Variants in C12orf42 observed in about 807,000 individuals in gnomAD.
C12orf42 encodes the protein chromosome 12 open reading frame 42.
In C12orf42, 25 loss-of-function variants were observed where a neutral mutation model predicts 21.6. The ratio of observed to expected loss-of-function variants is 1.16; its 90% CI spans 0.84 to 1.62. C12orf42 has a LOEUF of 1.62. C12orf42 is among the 40% of genes most tolerant of loss of function. The probability of loss-of-function intolerance (pLI) is 0.00; values close to 1 mark genes in which losing one functional copy is unlikely to be tolerated. For synonymous variants in C12orf42, 174 were observed against 175.0 expected (o/e 0.99, Z 0.05); for missense variants, 483 against 459.3 (o/e 1.05, Z -0.47).
chr12:103,361,186 G>A (rs1209912262), intron 4 of C12orf42, among the ~76,000 whole-genome samples: 1 of 152,138 alleles, frequency 6.6e-6, no homozygotes, highest in Non-Finnish European at 1.5e-5. Flanking sequence ...CCAGGAGACA[G>A]CCCAAATACT....
At chr12:103,161,628 A>T in the C12orf42 span, 1 of 152,230 alleles carries the variant, frequency 6.6e-6, no homozygotes, top group African/African-American at 2.4e-5. Context: ...ATAATAAATG[A>T]TGGTACTGTA....
the C12orf42 span, among the ~76,000 whole-genome samples, chr12:103,083,465 A>T: frequency 6.6e-6 from 1 of 152,304 alleles, no homozygotes; most frequent in Non-Finnish European, 1.5e-5. Flanking sequence ...CAAACTAGAA[A>T]TTCATTCCCC....
At chr12:103,390,486 C>T (rs1283940402) in intron 3 of C12orf42, among the ~76,000 whole-genome samples, 1 of 152,166 alleles carries the variant, frequency 6.6e-6, no homozygotes, top group Non-Finnish European at 1.5e-5. Context: ...CCCTGGTAAC[C>T]TCTATTCTAC....
chr12:103,545,806 A>C, the C12orf42 span, among the ~76,000 whole-genome samples: 3 of 152,128 alleles, frequency 2.0e-5, no homozygotes, highest in African/African-American at 7.2e-5. Flanking sequence ...TATATTCCAC[A>C]TTCAGACCAC....
the C12orf42 span, among the ~76,000 whole-genome samples, chr12:103,181,685 G>A: frequency 1.3e-5 from 2 of 152,166 alleles, no homozygotes; most frequent in Non-Finnish European, 2.9e-5. Context: ...CTTCATTCAC[G>A]CAACAAATTC....
At chr12:103,297,585 T>C (rs1425424390), downstream of C12orf42, among the ~76,000 whole-genome samples, 3 of 151,898 alleles carry the variant, frequency 2.0e-5, no homozygotes, top group Non-Finnish European at 4.4e-5. Context: ...AAAGAGGGAA[T>C]CCTCCCTAAT....
chr12:103,331,107 A>C (rs1406828438), intron 4 of C12orf42, among the ~76,000 whole-genome samples: 1 of 152,212 alleles, frequency 6.6e-6, no homozygotes, highest in Non-Finnish European at 1.5e-5. Flanking sequence ...ATAAGTTGAA[A>C]ATATCCTGTC....
At chr12:103,390,734 G>C (rs776509251) in intron 3 of C12orf42, among the ~76,000 whole-genome samples, 1 of 152,144 alleles carries the variant, frequency 6.6e-6, no homozygotes, top group Non-Finnish European at 1.5e-5. Context: ...AAGTCCAAAG[G>C]CTTGAGAAAC....
At chr12:103,359,305 A>C (rs2043871741) in intron 4 of C12orf42, among the ~76,000 whole-genome samples, 1 of 152,048 alleles carries the variant, frequency 6.6e-6, no homozygotes, top group African/African-American at 2.4e-5. Flanking sequence ...TCCCAGCTAT[A>C]TGTGTTTCAT....
chr12:103,527,215 C>T, the C12orf42 span, among the ~76,000 whole-genome samples: 2 of 152,210 alleles, frequency 1.3e-5, no homozygotes, highest in South Asian at 4.1e-4. Flanking sequence ...TTTTCTGCCA[C>T]TGGACATGAA....
At chr12:103,140,494 C>G in the C12orf42 span, among the ~76,000 whole-genome samples, 1 of 152,130 alleles carries the variant, frequency 6.6e-6, no homozygotes, top group Non-Finnish European at 1.5e-5. Flanking sequence ...TCCAGTGCTG[C>G]TATTTTCCTG....
the C12orf42 span, among the ~76,000 whole-genome samples, chr12:103,227,836 T>C: frequency 4.6e-5 from 7 of 151,938 alleles, no homozygotes; most frequent in Admixed American, 6.6e-5. Flanking sequence ...GTCTCCTTTG[T>C]CTCTCCCAGA....
the C12orf42 span, among the ~76,000 whole-genome samples, chr12:103,206,659 T>C: frequency 6.6e-6 from 1 of 152,136 alleles, no homozygotes; most frequent in Non-Finnish European, 1.5e-5. Context: ...AGTGGCAGAA[T>C]CAGAGCTTAC....
At chr12:103,070,090 C>A in the C12orf42 span, among the ~76,000 whole-genome samples, 4 of 152,158 alleles carry the variant, frequency 2.6e-5, no homozygotes, top group Admixed American at 6.6e-5. Flanking sequence ...CACTGTAAGA[C>A]AAAAATTCTA....
chr12:103,129,215 T>A, the C12orf42 span, among the ~76,000 whole-genome samples: 2 of 152,156 alleles, frequency 1.3e-5, no homozygotes, highest in African/African-American at 4.8e-5. Flanking sequence ...GAGAAACTGC[T>A]GAAGCAAGGC....
chr12:103,224,694 C>A, the C12orf42 span, among the ~76,000 whole-genome samples: 3 of 151,938 alleles, frequency 2.0e-5, no homozygotes, highest in African/African-American at 7.3e-5. Context: ...GTTATGAGAA[C>A]TGTAGAGAGT....
chr12:103,387,611 A>G (rs1231262366), intron 3 of C12orf42, among the ~76,000 whole-genome samples: 3 of 152,188 alleles, frequency 2.0e-5, no homozygotes, highest in African/African-American at 4.8e-5. Flanking sequence ...CATACAGGAG[A>G]AAGTGTCCTC....
chr12:103,297,765 C>T (rs1177688499), downstream of C12orf42, among the ~76,000 whole-genome samples: 4 of 150,988 alleles, frequency 2.6e-5, no homozygotes, highest in African/African-American at 7.4e-5. Flanking sequence ...CAAGATCAAG[C>T]GGGCTTCATC....
At chr12:103,052,179 A>G in the C12orf42 span, among the ~76,000 whole-genome samples, 122 of 152,212 alleles carry the variant, frequency 8.0e-4, 1 homozygote, top group African/African-American at 2.7e-3. Context: ...TTCTGTATAT[A>G]TGTATACATT....
Sources: allele counts gnomAD v4.1 joint callset (sites outside exome capture counted in the v4.1 genomes callset), GRCh38; gene constraint gnomAD v4.1.1; transcripts MANE v1.5; gene names NCBI Gene and HGNC (gene_info 2026-07-23, HGNC 2026-07-21).